XPNPEP1: variants seen among roughly 807,000 people sequenced by gnomAD.
XPNPEP1 encodes xaa-Pro aminopeptidase 1.
XPNPEP1 carries 39 observed loss-of-function variants against 92.4 expected under a neutral mutation model. That is an observed-to-expected ratio of 0.42 (90% CI 0.33 to 0.55). The LOEUF (loss-of-function observed/expected upper bound fraction) is 0.55. Ranked by LOEUF, XPNPEP1 falls within the 20% of genes least tolerant of loss-of-function variation. XPNPEP1 has a pLI of 0.08. For missense variants in XPNPEP1, 654 were observed against 856.1 expected (o/e 0.76, Z 2.95); for synonymous variants, 307 against 299.4 (o/e 1.03, Z -0.26).
intron 9 of XPNPEP1, among the ~76,000 whole-genome samples, chr10:109,882,855 C>T (rs1473730546): frequency 6.6e-6 from 1 of 152,160 alleles, no homozygotes; most frequent in African/African-American, 2.4e-5. Context: ...TGGGCAGTGT[C>T]CTCCTTCACT....
intron 1 of XPNPEP1, among the ~76,000 whole-genome samples, chr10:109,922,226 C>T (rs1470808288): frequency 6.6e-6 from 1 of 152,176 alleles, no homozygotes; most frequent in African/African-American, 2.4e-5. Context: ...TTTCACTGGA[C>T]TTTCCTTTGA....
At chr10:109,873,677 A>G (rs2133367811) in intron 15 of XPNPEP1, 1 of 503,512 alleles carries the variant, frequency 2.0e-6, no homozygotes, top group African/African-American at 1.9e-5. Context: ...AAACTTGTAC[A>G]TGAAGGTTCA....
intron 3 of XPNPEP1, among the ~76,000 whole-genome samples, chr10:109,904,813 A>C (rs1230202632): frequency 6.6e-6 from 1 of 152,224 alleles, no homozygotes. Context: ...CATTGGTGGG[A>C]ATGCAAAATA....
At chr10:109,866,723 C>A (rs1268944584) in intron 20 of XPNPEP1, among the ~76,000 whole-genome samples, 1 of 152,208 alleles carries the variant, frequency 6.6e-6, no homozygotes, top group Non-Finnish European at 1.5e-5. Context: ...ACCAAAAACT[C>A]CCTAAAGTGA....
chr10:109,923,100 A>G, intron 1 of XPNPEP1: 7 of 943,738 alleles, frequency 7.4e-6, no homozygotes, highest in Non-Finnish European at 7.6e-6. Context: ...CGGGCCAGGA[A>G]CTGTGACGGC....
intron 12 of XPNPEP1, 36 bp from the exon 13 acceptor site, chr10:109,878,094 TA>T (rs752731922): frequency 3.7e-6 from 6 of 1,611,832 alleles, no homozygotes; most frequent in Non-Finnish European, 8.5e-7. Context: ...TCTGGTGAGA[TA>T]AATTCATGTG....
rs1589572311 is a variant in XPNPEP1, at chr10:109,883,869, T to G, written c.830+198A>C. 4 of 524,438 alleles carry G rather than the reference T, an allele frequency of 7.6e-6. No individual in the cohort carries two copies. The East Asian group carries it at 1.3e-4, about 17-fold the overall frequency. 32.5% of individuals were successfully genotyped at this position (524,438 alleles called of 1,614,324 possible). A position where few individuals can be genotyped will look rare whatever the true frequency, so the allele number is the denominator to read the frequency against. On this transcript the variant is annotated intron_variant, in intron 9 of 20. Coordinates refer to ENST00000502935, the MANE Select transcript of XPNPEP1 (RefSeq NM_020383.4). ...CACTTTCATGCGTTTCAAACCATTT[T>G]GGGGGCTCAAAGAGAGGCAGGATAT...
At chr10:109,909,150 A>G in intron 2 of XPNPEP1, among the ~76,000 whole-genome samples, 1 of 152,214 alleles carries the variant, frequency 6.6e-6, no homozygotes, top group Non-Finnish European at 1.5e-5. Flanking sequence ...GGGTGCCTGT[A>G]GTCCCAGCTA....
chr10:109,868,722 AAAG>A lies in XPNPEP1; in HGVS notation c.1774-13_1774-11del, dbSNP rs746718284. On this transcript the variant is annotated splice_polypyrimidine_tract_variant and intron_variant, in intron 19 of 20. Coordinates refer to ENST00000502935, the MANE Select transcript of XPNPEP1 (RefSeq NM_020383.4). ...GGTTATTAAAATTATACTGCGGGAG[AAAG>A]AAGAAAACAGATGCTTTTACTCCTC... 6 of 1,609,796 alleles carry A rather than the reference AAAG, an allele frequency of 3.7e-6. No individual in the cohort carries two copies. In the Admixed American group the frequency reaches 5.0e-5, roughly 13 times the overall value.
intron 12 of XPNPEP1, among the ~76,000 whole-genome samples, chr10:109,879,478 G>A (rs1847970930): frequency 6.6e-6 from 1 of 151,538 alleles, no homozygotes; most frequent in Non-Finnish European, 1.5e-5. Context: ...GCTAAGGCAG[G>A]AGAATCTCTT....
In XPNPEP1 at chr10:109,923,499, C is replaced by T; in HGVS notation, c.-66G>A. ...ACCAGCTGATCACCCGCGGAAGGGC[C>T]GGCGCGAAGGAGGCGCGAGAGCCGG... On this transcript the variant is annotated 5_prime_UTR_variant, in exon 1 of 21. Transcript: ENST00000502935. 1.6e-6 allele frequency: 2 copies of T among 1,286,966 alleles called. No individual in the cohort carries two copies. The highest frequency in any genetic ancestry group is 2.0e-6 in the Non-Finnish European group (2 of 1,009,876). 79.7% of individuals were successfully genotyped at this position (1,286,966 alleles called of 1,614,324 possible).
intron 17 of XPNPEP1, 63 bp from the exon 18 acceptor site, chr10:109,870,967 T>G (rs951430820): frequency 2.6e-6 from 4 of 1,551,028 alleles, no homozygotes; most frequent in African/African-American, 1.4e-5. Context: ...AAATTTATTA[T>G]GTGTGGCTCC....
intron 3 of XPNPEP1, among the ~76,000 whole-genome samples, chr10:109,901,390 C>T (rs1849282471): frequency 6.6e-6 from 1 of 152,046 alleles, no homozygotes; most frequent in African/African-American, 2.4e-5. Context: ...TGCTCATGTA[C>T]CCTAGAACTT....
intron 20 of XPNPEP1, among the ~76,000 whole-genome samples, chr10:109,868,386 C>T (rs943416183): frequency 2.0e-5 from 3 of 151,536 alleles, no homozygotes; most frequent in Non-Finnish European, 4.4e-5. Context: ...AGAATGGCTG[C>T]GGGAAACAGG....
chr10:109,886,052 C>T (rs1442160274), intron 8 of XPNPEP1, among the ~76,000 whole-genome samples, 194 bp downstream of exon 8: 4 of 152,192 alleles, frequency 2.6e-5, no homozygotes, highest in African/African-American at 4.8e-5. Flanking sequence ...CTGGACAAGC[C>T]TCACTCCCCT....
At chr10:109,915,129 G>T in intron 1 of XPNPEP1, 30 bp from the exon 2 acceptor site, 1 of 1,413,842 alleles carries the variant, frequency 7.1e-7, no homozygotes, top group South Asian at 1.4e-5. Flanking sequence ...GGAAGTTGCA[G>T]ACTTTGACCA....
Position 109,880,234 on chromosome 10 carries a change from T to G in XPNPEP1, c.1136A>C (p.Lys379Thr). 6.2e-7 allele frequency: 1 copy of G among 1,613,920 alleles called. No homozygotes were observed. The highest frequency in any genetic ancestry group is 8.5e-7 in the Non-Finnish European group (1 of 1,180,014). The change falls in exon 12 of 21, where the codon AAA (lysine) becomes ACA (threonine). Residue 379 changes from lysine to threonine, a missense_variant. By Grantham distance (78) the Lys-to-Thr change is moderately conservative. Transcript: ENST00000502935. Reference protein sequence around the residue: ...ESEGMRRAHIKDAVALCELFN... With the variant: ...ESEGMRRAHITDAVALCELFN... ...GAGTTCACAGAGAGCAACAGCATCT[T>G]TAATCTGTGCAAACAATGGAGACAT...
At chr10:109,886,448 G>C in intron 7 of XPNPEP1, 107 bp from the exon 8 acceptor site, 1 of 1,009,636 alleles carries the variant, frequency 9.9e-7, no homozygotes, top group Non-Finnish European at 1.5e-6. Context: ...ATTTCTTACA[G>C]GAGCACGCTA....
At position 109,888,347 on chromosome 10, in the gene XPNPEP1, C is replaced by A; in HGVS notation, c.509-155G>T. 3 of 1,232,192 alleles carry A rather than the reference C, an allele frequency of 2.4e-6. No homozygotes were observed. The South Asian group carries it at 4.6e-5, about 19-fold the overall frequency. The allele number at this position is 1,232,192 out of a possible 1,614,324, so 76.3% of individuals were successfully genotyped here. A position where few individuals can be genotyped will look rare whatever the true frequency, so the allele number is the denominator to read the frequency against. On this transcript the variant is annotated intron_variant, in intron 6 of 20. Transcript: ENST00000502935. ...GAGGAACTGTAAAAGCACATCTTCA[C>A]CACCAGTGGAACTCTTCTCTTCACC...
Sources: allele counts gnomAD v4.1 joint callset (sites outside exome capture counted in the v4.1 genomes callset), GRCh38; gene constraint gnomAD v4.1.1; transcripts MANE v1.5; gene names NCBI Gene and HGNC (gene_info 2026-07-23, HGNC 2026-07-21).